SLC2A9: variants seen among roughly 807,000 people sequenced by gnomAD.
SLC2A9 encodes the protein solute carrier family 2 member 9.
Under a neutral mutation model 50.6 loss-of-function variants are expected in SLC2A9, and 39 were observed. The observed-to-expected ratio is 0.77, with a 90% confidence interval of 0.60 to 1.01. The LOEUF is 1.01. SLC2A9 is among the 50% of genes least tolerant of loss of function. The probability of loss-of-function intolerance (pLI) is 0.00; values close to 1 mark genes in which losing one functional copy is unlikely to be tolerated. For missense variants in SLC2A9, 686 were observed against 677.6 expected (o/e 1.01, Z -0.14); for synonymous variants, 324 against 276.9 (o/e 1.17, Z -1.69).
At chr4:9,873,721 T>C (rs1045554924) in intron 10 of SLC2A9, among the ~76,000 whole-genome samples, 4 of 152,208 alleles carry the variant, frequency 2.6e-5, no homozygotes, top group Admixed American at 1.3e-4. Flanking sequence ...ATCATCTAGC[T>C]GAGATCAAAG....
At chr4:9,789,287 G>A (rs138780301) in intron 3 of SLC2A9, among the ~76,000 whole-genome samples, 2 of 152,292 alleles carry the variant, frequency 1.3e-5, no homozygotes, top group Non-Finnish European at 2.9e-5. Context: ...GTAGTTTATT[G>A]TCAGGGTTAT....
chr4:9,842,397 G>A (rs764228810), intron 10 of SLC2A9, among the ~76,000 whole-genome samples: 2 of 152,154 alleles, frequency 1.3e-5, no homozygotes, highest in Non-Finnish European at 2.9e-5. Flanking sequence ...TGTGGTTTGC[G>A]ACCTTTACTT....
intron 3 of SLC2A9, among the ~76,000 whole-genome samples, chr4:9,786,192 T>C (rs1339295519): frequency 6.6e-6 from 1 of 152,192 alleles, no homozygotes; most frequent in African/African-American, 2.4e-5. Context: ...TACACACATG[T>C]GTTAATTCAT....
chr4:9,854,075 C>G (rs1410773947), intron 10 of SLC2A9, among the ~76,000 whole-genome samples: 1 of 151,854 alleles, frequency 6.6e-6, no homozygotes, highest in Non-Finnish European at 1.5e-5. Context: ...CCTAACATCA[C>G]ACCTAGAGGA....
chr4:9,889,644 C>T (rs1431461797), intron 9 of SLC2A9, among the ~76,000 whole-genome samples: 1 of 152,232 alleles, frequency 6.6e-6, no homozygotes, highest in African/African-American at 2.4e-5. Context: ...GCTAACAGTG[C>T]CTTCTTCTAG....
At chr4:9,809,264 G>A (rs1314950074) in intron 3 of SLC2A9, among the ~76,000 whole-genome samples, 1 of 152,082 alleles carries the variant, frequency 6.6e-6, no homozygotes, top group South Asian at 2.1e-4. Flanking sequence ...GTGTGGATCA[G>A]ATGTCCCTGG....
intron 1 of SLC2A9, chr4:10,035,406 A>C (rs1764067644): frequency 1.3e-5 from 2 of 152,228 alleles, no homozygotes; most frequent in Non-Finnish European, 2.9e-5. Flanking sequence ...TGGGCCACCC[A>C]CAGGCATCCC....
downstream of SLC2A9, among the ~76,000 whole-genome samples, chr4:9,776,270 G>A (rs1717556475): frequency 6.6e-6 from 1 of 151,612 alleles, no homozygotes; most frequent in East Asian, 1.9e-4. Flanking sequence ...ATGAGGGGCA[G>A]GAGAGTGGCT....
chr4:9,931,937 T>A (rs892487461), intron 6 of SLC2A9, among the ~76,000 whole-genome samples: 2 of 55,578 alleles, frequency 3.6e-5, no homozygotes, highest in Admixed American at 2.3e-4. Context: ...TCTCTCTCTC[T>A]CTCTCTCTCT....
chr4:9,868,691 C>A (rs1192104942), intron 10 of SLC2A9, among the ~76,000 whole-genome samples: 1 of 152,194 alleles, frequency 6.6e-6, no homozygotes, highest in African/African-American at 2.4e-5. Context: ...ACCCCAGGAA[C>A]CCCCATACCT....
intron 10 of SLC2A9, chr4:9,880,359 C>G: frequency 2.0e-6 from 2 of 985,562 alleles, no homozygotes; most frequent in Non-Finnish European, 2.4e-6. Context: ...AGGGCAGGGG[C>G]TGACAGGTGA....
intron 5 of SLC2A9, among the ~76,000 whole-genome samples, chr4:9,954,606 G>A (rs918824639): frequency 6.6e-6 from 1 of 152,138 alleles, no homozygotes; most frequent in African/African-American, 2.4e-5. Flanking sequence ...TAGCGGCCCT[G>A]GGTGAGTGGG....
At chr4:9,999,900 G>A (rs527427282) in intron 2 of SLC2A9, among the ~76,000 whole-genome samples, 33 of 152,130 alleles carry the variant, frequency 2.2e-4, no homozygotes, top group Non-Finnish European at 3.2e-4. Context: ...AGAAGTGGAT[G>A]GATTTAAGAT....
In SLC2A9 at chr4:9,846,365, C is replaced by T. The variant is rs528626762; in HGVS notation, c.1292-11357G>A. 2.0e-5 allele frequency among the ~76,000 whole-genome samples: 3 copies of T among 152,292 alleles called. No homozygotes were observed. In the South Asian group the frequency reaches 6.2e-4, roughly 32 times the overall value. ...TCACAGGATGTATGCCAGGTCTGTCCTCTCATTTCTGAGAGGAGCTTAGAC... is the reference window on the plus strand; with the variant it reads ...TCACAGGATGTATGCCAGGTCTGTCTTCTCATTTCTGAGAGGAGCTTAGAC... On this transcript the variant is annotated intron_variant, in intron 10 of 11. Transcript: ENST00000264784.
chr4:9,963,260 T>C (rs1198451717), intron 5 of SLC2A9, among the ~76,000 whole-genome samples: 1 of 152,164 alleles, frequency 6.6e-6, no homozygotes, highest in Non-Finnish European at 1.5e-5. Context: ...CATGATCCAA[T>C]TATCTCCAAC....
intron 6 of SLC2A9, among the ~76,000 whole-genome samples, chr4:9,926,440 T>C (rs1456474048): frequency 6.7e-6 from 1 of 150,128 alleles, no homozygotes; most frequent in Non-Finnish European, 1.5e-5. Flanking sequence ...CATGCCTGAG[T>C]TTCCTTGTCT....
chr4:9,783,153 G>A lies in SLC2A9; in HGVS notation n.386-3088C>T, dbSNP rs370032473. ...AAGGTGTTTGCCCAGCTGCTGGGGTGCAGCCACTTCTGCTCCCGCACGCCG... is the reference window on the plus strand; with the variant it reads ...AAGGTGTTTGCCCAGCTGCTGGGGTACAGCCACTTCTGCTCCCGCACGCCG... On this transcript the variant is annotated intron_variant and non_coding_transcript_variant, in intron 3 of 3. Transcript: ENST00000503803. The A allele has an allele frequency of 6.2e-7, 1 of 1,614,186 alleles. No individual in the cohort carries two copies. The highest frequency in any genetic ancestry group is 1.3e-5 in the African/African-American group (1 of 75,068).
downstream of SLC2A9, among the ~76,000 whole-genome samples, chr4:9,797,864 A>G (rs1390510039): frequency 1.3e-5 from 2 of 152,140 alleles, no homozygotes; most frequent in Admixed American, 1.3e-4. Flanking sequence ...ACATGATCCT[A>G]CAACCTTGAT....
At chr4:9,938,767 T>A (rs565379412) in intron 6 of SLC2A9, among the ~76,000 whole-genome samples, 12 of 152,334 alleles carry the variant, frequency 7.9e-5, no homozygotes, top group African/African-American at 2.4e-4. Context: ...GTCATTTCCT[T>A]GTCTGCAAAG....
Sources: allele counts gnomAD v4.1 joint callset (sites outside exome capture counted in the v4.1 genomes callset), GRCh38; gene constraint gnomAD v4.1.1; transcripts MANE v1.5; gene names NCBI Gene and HGNC (gene_info 2026-07-23, HGNC 2026-07-21).